EFCAB13: variants seen among roughly 807,000 people sequenced by gnomAD.
The protein encoded by EFCAB13 is EF-hand calcium binding domain 13, also known as EF-hand calcium-binding domain-containing protein 13.
EFCAB13 carries 91 observed loss-of-function variants against 110.2 expected under a neutral mutation model. That is an observed-to-expected ratio of 0.83 (90% confidence interval 0.70 to 0.98). EFCAB13 has a LOEUF of 0.98. Ranked by LOEUF, EFCAB13 falls within the 50% of genes least tolerant of loss-of-function variation. The pLI, the probability that EFCAB13 is intolerant of heterozygous loss-of-function variation, is 0.00. For missense variants in EFCAB13, 968 were observed against 1,119.4 expected (o/e 0.86, Z 1.93); for synonymous variants, 323 against 369.9 (o/e 0.87, Z 1.45).
At chr17:47,361,272 G>C in intron 9 of EFCAB13, 106 bp from the exon 10 acceptor site, 1 of 975,464 alleles carries the variant, frequency 1.0e-6, no homozygotes, top group Admixed American at 2.2e-5. Context: ...ATAAAACCCT[G>C]TGCTTATACA....
rs551931643 is a variant in EFCAB13, at chr17:47,405,807, T to C, written c.2233+1174T>C. 2.0e-5 allele frequency among the ~76,000 whole-genome samples: 3 copies of C among 151,946 alleles called. No individual in the cohort carries two copies. The East Asian group carries it at 5.8e-4, about 29-fold the overall frequency. On this transcript the variant is annotated intron_variant, in intron 20 of 24. Coordinates refer to ENST00000331493, the MANE Select transcript of EFCAB13 (RefSeq NM_152347.5). ...TTATCTTTAGCGTTTCTATTTATAG[T>C]TTAAAAATTAATTTCTGATTTTACC...
At chr17:47,340,677 G>A (rs958652523) in intron 5 of EFCAB13, among the ~76,000 whole-genome samples, 1 of 150,208 alleles carries the variant, frequency 6.7e-6, no homozygotes, top group African/African-American at 2.5e-5. Flanking sequence ...ATCTTGGCTC[G>A]CAACCTCTGC....
At position 47,412,782 on chromosome 17, in the gene EFCAB13, A is replaced by G. The variant is rs925944876; in HGVS notation, c.2288A>G (p.Glu763Gly). 5 of 1,613,090 alleles carry G rather than the reference A, an allele frequency of 3.1e-6. No homozygotes were observed. Among genetic ancestry groups the G allele is most frequent in the Admixed American group, 1.7e-5 (1 of 59,850 alleles). Residue 763 changes from glutamate to glycine, a missense_variant, in exon 22 of 25, where the codon GAA becomes GGA. Physicochemically the swap from Glu to Gly is moderately conservative, Grantham distance 98 (BLOSUM62 -2). Coordinates refer to ENST00000331493, the MANE Select transcript of EFCAB13 (RefSeq NM_152347.5). ...LKLPKVNEIK[E>G]AANILSHVDN... ...ACATTTATCTTTGTAGAGATTAAAG[A>G]AGCTGCTAACATCTTGTCACATGTC...
chr17:47,375,069 G>A (rs1050052717), intron 12 of EFCAB13, 103 bp downstream of exon 12: 5 of 1,232,816 alleles, frequency 4.1e-6, no homozygotes, highest in East Asian at 2.9e-5. Flanking sequence ...TAACACCCTG[G>A]GTAACCACCA....
In EFCAB13 at chr17:47,335,278, A is replaced by G; in HGVS notation, c.113A>G (p.Lys38Arg). The G allele has an allele frequency of 6.2e-7, 1 of 1,612,030 alleles. No individual in the cohort carries two copies. Among genetic ancestry groups the G allele is most frequent in the African/African-American group, 1.3e-5 (1 of 74,992 alleles). Residue 38 changes from lysine (K) to arginine (R), a missense_variant, in exon 5 of 25, where the codon AAA becomes AGA. Transcript: ENST00000331493. ...TCATCAGGAACTATTAACCACAAGAAATACATCAAGTTTTCTAAAACAATA... is the reference window on the plus strand; with the variant it reads ...TCATCAGGAACTATTAACCACAAGAGATACATCAAGTTTTCTAAAACAATA... The part of the protein sequence containing the change: ...DLSSGTINHK[K>R]YIKFSKTIEK...
At chr17:47,409,318 A>G in intron 20 of EFCAB13, 1 of 230,206 alleles carries the variant, frequency 4.3e-6, no homozygotes, top group Non-Finnish European at 8.7e-6. Flanking sequence ...AGGACAATTT[A>G]GACTAATAAT....
intron 13 of EFCAB13, among the ~76,000 whole-genome samples, chr17:47,378,850 A>G (rs1435442662): frequency 6.6e-6 from 1 of 152,180 alleles, no homozygotes; most frequent in East Asian, 1.9e-4. Context: ...TGGTCTATCT[A>G]TATGGACATC....
chr17:47,393,966 A>G, intron 15 of EFCAB13, 59 bp from the exon 16 acceptor site: 1 of 919,720 alleles, frequency 1.1e-6, no homozygotes, highest in South Asian at 1.8e-5. Context: ...TATATAATTC[A>G]ATATTTTTCA....
intron 5 of EFCAB13, among the ~76,000 whole-genome samples, chr17:47,341,052 ATG>A: frequency 6.6e-6 from 1 of 152,194 alleles, no homozygotes; most frequent in East Asian, 1.9e-4. Flanking sequence ...CAACTATTGA[ATG>A]TTAATATGTT....
rs769801234 is a variant in EFCAB13, at chr17:47,328,390, A to G, written c.30+7A>G. The G allele has an allele frequency of 1.3e-6, 2 of 1,564,452 alleles. No individual in the cohort carries two copies. Among genetic ancestry groups the G allele is most frequent in the Non-Finnish European group, 1.7e-6 (2 of 1,154,326 alleles). The stretch of plus-strand genomic sequence containing the variant: ...AGTACATTTATTCTGCCAGGTATTT[A>G]TTTAAAACAGTTTCTAAAGATTTCT... On this transcript the variant is annotated splice_region_variant and intron_variant, in intron 4 of 24. Transcript: ENST00000331493.
intron 4 of EFCAB13, among the ~76,000 whole-genome samples, chr17:47,330,657 T>C (rs1401188669): frequency 1.3e-5 from 2 of 152,118 alleles, no homozygotes; most frequent in African/African-American, 4.8e-5. Context: ...GTGAGTAGTA[T>C]TCCGTAGTAT....
At chr17:47,373,567 G>A (rs957224213) in intron 11 of EFCAB13, among the ~76,000 whole-genome samples, 1 of 152,088 alleles carries the variant, frequency 6.6e-6, no homozygotes, top group African/African-American at 2.4e-5. Flanking sequence ...TAATCAGTGA[G>A]AATCAGAGAT....
intron 10 of EFCAB13, among the ~76,000 whole-genome samples, chr17:47,368,162 C>CT (rs1567789482): frequency 6.6e-6 from 1 of 152,242 alleles, no homozygotes; most frequent in Non-Finnish European, 1.5e-5. Flanking sequence ...AAAATATAAT[C>CT]TTTTTTTCAG....
intron 9 of EFCAB13, among the ~76,000 whole-genome samples, chr17:47,357,437 A>C (rs1464613941): frequency 6.6e-6 from 1 of 152,178 alleles, no homozygotes; most frequent in Non-Finnish European, 1.5e-5. Context: ...TTGACAAAGC[A>C]TAAATTACTA....
At chr17:47,400,805 G>A (rs1015175741) in intron 17 of EFCAB13, among the ~76,000 whole-genome samples, 20 of 152,242 alleles carry the variant, frequency 1.3e-4, no homozygotes, top group African/African-American at 4.3e-4. Flanking sequence ...CTGAATTACA[G>A]TACCCGTTGC....
chr17:47,384,263 A>C (rs2065664022), intron 14 of EFCAB13, among the ~76,000 whole-genome samples: 1 of 148,612 alleles, frequency 6.7e-6, no homozygotes, highest in East Asian at 2.0e-4. Flanking sequence ...GAATACATTT[A>C]ATTTGCCAGT....
intron 9 of EFCAB13, among the ~76,000 whole-genome samples, chr17:47,358,570 T>C (rs1385087565): frequency 6.6e-6 from 1 of 152,216 alleles, no homozygotes; most frequent in East Asian, 1.9e-4. Context: ...ATTAATCCTT[T>C]GTTATGTATG....
chr17:47,404,668 T>C lies in EFCAB13; in HGVS notation c.2233+35T>C, dbSNP rs753622537. 1.1e-5 allele frequency: 17 copies of C among 1,507,342 alleles called. No individual in the cohort carries two copies. The South Asian group carries it at 2.0e-4, about 17-fold the overall frequency. 93.4% of individuals were successfully genotyped at this position (1,507,342 alleles called of 1,614,324 possible). On this transcript the variant is annotated intron_variant, in intron 20 of 24. Coordinates refer to ENST00000331493, the MANE Select transcript of EFCAB13 (RefSeq NM_152347.5). ...TTATGGTAATACTGTTAGAAGGCAA[T>C]GATACAGAACTTATTCAAAGTTCAC...
At chr17:47,393,397 C>T (rs1567796921) in intron 15 of EFCAB13, among the ~76,000 whole-genome samples, 1 of 152,130 alleles carries the variant, frequency 6.6e-6, no homozygotes, top group African/African-American at 2.4e-5. Flanking sequence ...ATCTCTTGGA[C>T]TTAAGTACCA....
Sources: gnomAD v4.1 joint callset for allele counts (sites outside exome capture counted in the v4.1 genomes callset) on GRCh38, gnomAD v4.1.1 for gene constraint, MANE v1.5 for transcripts, NCBI Gene and HGNC (gene_info 2026-07-23, HGNC 2026-07-21) for gene names.